Variants in FICD observed in about 807,000 individuals in gnomAD.
The protein encoded by FICD is protein adenylyltransferase FICD.
FICD carries 13 observed loss-of-function variants against 28.0 expected under a neutral mutation model. That is an observed-to-expected ratio of 0.46 (90% CI 0.30 to 0.74). The LOEUF is 0.74. Among genes scored for constraint, FICD ranks in the 30% least tolerant of loss-of-function variants. The pLI, the probability that FICD is intolerant of heterozygous loss-of-function variation, is 0.07. For synonymous variants in FICD, 268 were observed against 266.4 expected, an observed-to-expected ratio of 1.01 and a Z score of -0.06; for missense variants, 576 against 624.5, an observed-to-expected ratio of 0.92 and a Z score of 0.83.
chr12:108,517,883 T>G (rs547439641), intron 2 of FICD, among the ~76,000 whole-genome samples: 4 of 152,212 alleles, frequency 2.6e-5, no homozygotes, highest in African/African-American at 9.6e-5. Context: ...GGGCGCACAA[T>G]CAAACCACTG....
chr12:108,519,696 G>T lies in FICD; in HGVS notation c.*221G>T. On this transcript the variant is annotated 3_prime_UTR_variant, in exon 3 of 3. Transcript: ENST00000552695. The surrounding 1 kb of genome is among the most constrained non-coding windows in gnomAD (Gnocchi z 4.5). Reference sequence around the variant, plus strand: ...TTATTTTCTTCTTTGGAGCAAGCTAGTCAGTATTGTATGGTGTCTGCTGTG... The same window carrying T: ...TTATTTTCTTCTTTGGAGCAAGCTATTCAGTATTGTATGGTGTCTGCTGTG... The T allele has an allele frequency of 1.9e-6, 1 of 514,702 alleles. No individual in the cohort carries two copies. The highest frequency in any genetic ancestry group is 3.4e-6 in the Non-Finnish European group (1 of 293,972). The allele number at this position is 514,702 out of a possible 1,614,324, so 31.9% of individuals were successfully genotyped here. A position where few individuals can be genotyped will look rare whatever the true frequency, so the allele number is the denominator to read the frequency against.
Position 108,517,167 on chromosome 12 carries a change from G to C in FICD, c.195G>C (p.Pro65=). 1 of 1,603,932 alleles carries C rather than the reference G, an allele frequency of 6.2e-7. No homozygotes were observed. The highest frequency in any genetic ancestry group is 8.5e-7 in the Non-Finnish European group (1 of 1,175,298). Residue 65 remains proline, a synonymous_variant, in exon 2 of 3, where the codon CCG becomes CCC. Coordinates refer to ENST00000552695, the MANE Select transcript of FICD (RefSeq NM_007076.3). ...LKGLYLLRSK[P]DRAQHAATKC... The stretch of plus-strand genomic sequence containing the variant: ...GCCTCTACCTGCTCAGGAGCAAACC[G>C]GACAGGGCGCAGCATGCCGCCACCA...
In FICD at chr12:108,520,613, A is replaced by G. The variant is rs1372486820; in HGVS notation, c.*1138A>G. On this transcript the variant is annotated 3_prime_UTR_variant, in exon 3 of 3. Transcript: ENST00000552695. ...CCTTATTTTTCTCGCAACTTGTGAA[A>G]TGATGTAGTGCTCTATGTAATATGG... 1 of 152,252 alleles carries G rather than the reference A, an allele frequency of 6.6e-6. No homozygotes were observed. The highest frequency in any genetic ancestry group is 1.5e-5 in the Non-Finnish European group (1 of 68,076). 9.4% of individuals were successfully genotyped at this position (152,252 alleles called of 1,614,324 possible).
chr12:108,518,550 A>G lies in FICD; in HGVS notation c.452A>G (p.Glu151Gly). 1 of 1,614,174 alleles carries G rather than the reference A, an allele frequency of 6.2e-7. No homozygotes were observed. Among genetic ancestry groups the G allele is most frequent in the East Asian group, 2.2e-5 (1 of 44,884 alleles). Reference sequence around the variant, plus strand: ...CTCACCGAGTTTGGCATCTTCTCGGAAGAAGACAAGGACATCATCCAGGCG... The same window carrying G: ...CTCACCGAGTTTGGCATCTTCTCGGGAGAAGACAAGGACATCATCCAGGCG... ...DALTEFGIFS[E>G]EDKDIIQADY... is the part of the protein sequence containing the mutation. The change falls in exon 3 of 3, where the codon GAA (glutamate) becomes GGA (glycine). Residue 151 changes from glutamate (E) to glycine (G), a missense_variant. Glu to Gly is a moderately conservative substitution (Grantham distance 98). Transcript: ENST00000552695. The surrounding 1 kb of genome is among the most constrained non-coding windows in gnomAD (Gnocchi z 4.4).
rs554616428 is a variant in FICD at position 108,518,575 on chromosome 12, G to A, written c.477G>A (p.Ala159=). 31 of 1,614,170 alleles carry A rather than the reference G, an allele frequency of 1.9e-5. No individual in the cohort carries two copies. In the East Asian group the frequency reaches 2.0e-4, roughly 10 times the overall value. ...FSEEDKDIIQ[A]DYLYTRALTI... ...AAGAAGACAAGGACATCATCCAGGC[G>A]GACTACTTGTACACCAGAGCATTGA... is the stretch of plus-strand genomic sequence containing the variant. The change falls in exon 3 of 3, where the codon GCG becomes GCA. Residue 159 remains alanine, a synonymous_variant. Transcript: ENST00000552695. This position sits in a 1 kb window ranked among gnomAD's most constrained non-coding sequence, Gnocchi z 4.4.
chr12:108,518,028 G>A lies in FICD; in HGVS notation c.302-372G>A. ...CAGCACAAGATGAGCTGGAGATGTA[G>A]GAGACGGCCTACACTGGGAGCTGTG... is the stretch of plus-strand genomic sequence containing the variant. On this transcript the variant is annotated intron_variant, in intron 2 of 2. Coordinates refer to ENST00000552695, the MANE Select transcript of FICD (RefSeq NM_007076.3). The surrounding 1 kb of genome is among the most constrained non-coding windows in gnomAD (Gnocchi z 4.4). 1.5e-6 allele frequency: 1 copy of A among 669,256 alleles called. No individual in the cohort carries two copies. Among genetic ancestry groups the A allele is most frequent in the South Asian group, 1.6e-5 (1 of 62,072 alleles). The allele number at this position is 669,256 out of a possible 1,614,324, so 41.5% of individuals were successfully genotyped here.
chr12:108,518,241 G>A lies in FICD; in HGVS notation c.302-159G>A. On this transcript the variant is annotated intron_variant, in intron 2 of 2. Transcript: ENST00000552695. The surrounding 1 kb of genome is among the most constrained non-coding windows in gnomAD (Gnocchi z 4.4). ...GGGGCAACAGAGTGGTACCGGGCATGTTGAGTACACACGATGCGGCTGCAA... is the reference window on the plus strand; with the variant it reads ...GGGGCAACAGAGTGGTACCGGGCATATTGAGTACACACGATGCGGCTGCAA... 2.8e-6 allele frequency: 2 copies of A among 714,696 alleles called. No homozygotes were observed. The highest frequency in any genetic ancestry group is 2.7e-5 in the East Asian group (1 of 37,340). The allele number at this position is 714,696 out of a possible 1,614,324, so 44.3% of individuals were successfully genotyped here.
In FICD at chr12:108,520,085, C is replaced by CG. The variant is rs1475754509; in HGVS notation, c.*610_*611insG. On this transcript the variant is annotated 3_prime_UTR_variant, in exon 3 of 3. Coordinates refer to ENST00000552695, the MANE Select transcript of FICD (RefSeq NM_007076.3). ...AGTTTGCAAACTTTAGTGCCAGCAG[C>CG]TGTTTTTTTTTTTTTTTTTTTCATA... is the stretch of plus-strand genomic sequence containing the variant. 2.5e-5 allele frequency: 2 copies of CG among 79,220 alleles called. No individual in the cohort carries two copies. Among genetic ancestry groups the CG allele is most frequent in the Non-Finnish European group, 4.9e-5 (2 of 41,038 alleles). 4.9% of individuals were successfully genotyped at this position (79,220 alleles called of 1,614,324 possible). A position where few individuals can be genotyped will look rare whatever the true frequency, so the allele number is the denominator to read the frequency against.
rs747512205 is a variant in FICD at position 108,518,617 on chromosome 12, T to C, written c.519T>C (p.His173=). ...GAGCATTGACCATCTCACCCTACCA[T>C]GAGAAAGCACTGGTCAACCGCGATC... ...YTRALTISPY[H]EKALVNRDRT... is the part of the protein sequence containing the mutation. The change falls in exon 3 of 3, where the codon CAT becomes CAC. Residue 173 remains histidine (H), a synonymous_variant. Transcript: ENST00000552695. This position sits in a 1 kb window ranked among gnomAD's most constrained non-coding sequence, Gnocchi z 4.4. The C allele has an allele frequency of 6.4e-5, 103 of 1,613,914 alleles. 1 individual carries two copies. The highest frequency in any genetic ancestry group is 1.4e-4 in the South Asian group (13 of 91,082).
chr12:108,515,815 C>A (rs73402738), intron 1 of FICD, among the ~76,000 whole-genome samples: 3,581 of 152,286 alleles, frequency 0.024, 150 homozygotes, highest in African/African-American at 0.081. Context: ...GGTGCACAGG[C>A]CCTGCTTAGT....
Position 108,520,759 on chromosome 12 carries a change from C to G in FICD, c.*1284C>G, listed in dbSNP as rs928087923. 7 of 152,180 alleles carry G rather than the reference C, an allele frequency of 4.6e-5. No individual in the cohort carries two copies. Among genetic ancestry groups the G allele is most frequent in the Admixed American group, 3.9e-4 (6 of 15,278 alleles). 9.4% of individuals were successfully genotyped at this position (152,180 alleles called of 1,614,324 possible). A position where few individuals can be genotyped will look rare whatever the true frequency, so the allele number is the denominator to read the frequency against. ...AGGTGGAAGTCACTGGGTCCCTTTC[C>G]CAGTGACAGAGCCCATGATGTCTAA... On this transcript the variant is annotated 3_prime_UTR_variant, in exon 3 of 3. Coordinates refer to ENST00000552695, the MANE Select transcript of FICD (RefSeq NM_007076.3).
rs754874086 is a variant in FICD at position 108,521,090 on chromosome 12, C to T, written c.*1615C>T. ...TCGTCTTGGTTTTATAAGCACACCA[C>T]GGAGGTCTGACAGATGTGCTTGCTT... On this transcript the variant is annotated 3_prime_UTR_variant, in exon 3 of 3. Coordinates refer to ENST00000552695, the MANE Select transcript of FICD (RefSeq NM_007076.3). 4 of 152,176 alleles carry T rather than the reference C, an allele frequency of 2.6e-5. No homozygotes were observed. Among genetic ancestry groups the T allele is most frequent in the South Asian group, 2.1e-4 (1 of 4,834 alleles). 9.4% of individuals were successfully genotyped at this position (152,176 alleles called of 1,614,324 possible).
Position 108,518,918 on chromosome 12 carries a change from A to C in FICD, c.820A>C (p.Ile274Leu). The change falls in exon 3 of 3, where the codon ATC (isoleucine) becomes CTC (leucine). Residue 274 changes from isoleucine (I) to leucine (L), a missense_variant. By Grantham distance (5) the Ile-to-Leu change is conservative (BLOSUM62 2). Transcript: ENST00000552695. This position sits in a 1 kb window ranked among gnomAD's most constrained non-coding sequence, Gnocchi z 4.4. ...AGGCATGCATGCAGCCATGAAGTAC[A>C]TCAACACGACTCTGGTTTCGCGCAT... ...VIGMHAAMKYINTTLVSRIGS... is the reference protein window; with the variant it reads ...VIGMHAAMKYLNTTLVSRIGS... The C allele has an allele frequency of 6.2e-7, 1 of 1,614,176 alleles. No homozygotes were observed.
In FICD at chr12:108,519,515, GA is replaced by G. The variant is rs552394253; in HGVS notation, c.*51del. The stretch of plus-strand genomic sequence containing the variant: ...AGTGACAAAGGCTGTCCTGAGGTAG[GA>G]AAAAAAAAAAGAAACAGCATTTCTA... On this transcript the variant is annotated 3_prime_UTR_variant, in exon 3 of 3. Transcript: ENST00000552695. This position sits in a 1 kb window ranked among gnomAD's most constrained non-coding sequence, Gnocchi z 4.5. The G allele has an allele frequency of 0.041, 37,415 of 914,120 alleles. No individual in the cohort carries two copies. The highest frequency in any genetic ancestry group is 0.072 in the South Asian group (3,234 of 44,698). The allele number at this position is 914,120 out of a possible 1,614,324, so 56.6% of individuals were successfully genotyped here.
At position 108,518,633 on chromosome 12, in the gene FICD, A is replaced by T; in HGVS notation, c.535A>T (p.Asn179Tyr). ...ACCCTACCATGAGAAAGCACTGGTC[A>T]ACCGCGATCGGACACTGCCTCTTGT... ...ISPYHEKALV[N>Y]RDRTLPLVEE... is the part of the protein sequence containing the mutation. The change falls in exon 3 of 3, where the codon AAC becomes TAC. Residue 179 changes from asparagine to tyrosine, a missense_variant. By Grantham distance (143) the Asn-to-Tyr change is moderately radical. Coordinates refer to ENST00000552695, the MANE Select transcript of FICD (RefSeq NM_007076.3). The surrounding 1 kb of genome is among the most constrained non-coding windows in gnomAD (Gnocchi z 4.4). The T allele has an allele frequency of 6.2e-7, 1 of 1,614,210 alleles. No homozygotes were observed. The highest frequency in any genetic ancestry group is 8.5e-7 in the Non-Finnish European group (1 of 1,180,034).
At position 108,517,033 on chromosome 12, in the gene FICD, T is replaced by C. The variant is rs1351740643; in HGVS notation, c.61T>C (p.Trp21Arg). The change falls in exon 2 of 3, where the codon TGG becomes CGG. Residue 21 changes from tryptophan to arginine, a missense_variant. Transcript: ENST00000552695. ...AVTEPKWVSV[W>R]SRFLWVTLLS... ...GACTGAACCGAAATGGGTCTCGGTC[T>C]GGAGCCGCTTCCTCTGGGTGACGCT... is the stretch of plus-strand genomic sequence containing the variant. The C allele has an allele frequency of 1.3e-6, 2 of 1,580,226 alleles. No homozygotes were observed. The highest frequency in any genetic ancestry group is 1.7e-6 in the Non-Finnish European group (2 of 1,160,286).
In FICD at chr12:108,518,951, G is replaced by A. The variant is rs143642162; in HGVS notation, c.853G>A (p.Val285Ile). 1.7e-5 allele frequency: 28 copies of A among 1,614,054 alleles called. No homozygotes were observed. The highest frequency in any genetic ancestry group is 2.7e-5 in the African/African-American group (2 of 74,940). Residue 285 changes from valine (V) to isoleucine (I), a missense_variant, in exon 3 of 3, where the codon GTC becomes ATC. By Grantham distance (29) the Val-to-Ile change is conservative. Coordinates refer to ENST00000552695, the MANE Select transcript of FICD (RefSeq NM_007076.3). This position sits in a 1 kb window ranked among gnomAD's most constrained non-coding sequence, Gnocchi z 4.4. ...GACTCTGGTTTCGCGCATCGGCTCCGTCACCATCAGCGACGTGCTGGAGAT... is the reference window on the plus strand; with the variant it reads ...GACTCTGGTTTCGCGCATCGGCTCCATCACCATCAGCGACGTGCTGGAGAT... ...NTTLVSRIGS[V>I]TISDVLEIHR... is the part of the protein sequence containing the mutation.
In FICD at chr12:108,519,330, TGA is replaced by T. The variant is rs1872027905; in HGVS notation, c.1234_1235del (p.Arg412AlafsTer11). On this transcript the variant is annotated frameshift_variant, in exon 3 of 3. Coordinates refer to ENST00000552695, the MANE Select transcript of FICD (RefSeq NM_007076.3). LOFTEE classifies it high-confidence loss of function. This position sits in a 1 kb window ranked among gnomAD's most constrained non-coding sequence, Gnocchi z 4.5. ...TTGGAAGCTGCCAACGAGGGCGACG[TGA>T]GGCCTTTCATTCGCTTCATCGCCAA... 3 of 1,614,026 alleles carry T rather than the reference TGA, an allele frequency of 1.9e-6. No individual in the cohort carries two copies. The African/African-American group carries it at 4.0e-5, about 22-fold the overall frequency.
At chr12:108,516,780 C>G in intron 1 of FICD, 135 bp from the exon 2 acceptor site, 1 of 436,584 alleles carries the variant, frequency 2.3e-6, no homozygotes, top group Non-Finnish European at 4.0e-6. Context: ...CTAGTGAGAT[C>G]CAGTCCTTGA....
Sources: allele counts gnomAD v4.1 joint callset (sites outside exome capture counted in the v4.1 genomes callset), GRCh38; gene constraint gnomAD v4.1.1; non-coding constraint Gnocchi (gnomAD v3.1); transcripts MANE v1.5; gene names NCBI Gene and HGNC (gene_info 2026-07-23, HGNC 2026-07-21).